CAMK1D: variants seen among roughly 807,000 people sequenced by gnomAD.
CAMK1D encodes the protein calcium/calmodulin dependent protein kinase ID, also known as calcium/calmodulin-dependent protein kinase type 1D.
CAMK1D carries 9 observed loss-of-function variants against 47.7 expected under a neutral mutation model. The observed-to-expected ratio is 0.19, with a 90% CI of 0.11 to 0.33. The LOEUF is 0.33. Among genes scored for constraint, CAMK1D ranks in the 10% least tolerant of loss-of-function variants. CAMK1D has a pLI of 1.00. For missense variants in CAMK1D, 291 were observed against 488.7 expected (o/e 0.60, Z 3.81); for synonymous variants, 184 against 184.9 (o/e 0.99, Z 0.04).
intron 2 of CAMK1D, among the ~76,000 whole-genome samples, chr10:12,622,550 T>C (rs571362177): frequency 6.6e-6 from 1 of 152,120 alleles, no homozygotes; most frequent in African/African-American, 2.4e-5. Flanking sequence ...GTGTGTGTAA[T>C]GTCCAGAGTT....
At chr10:12,726,929 C>T (rs1834667918) in intron 3 of CAMK1D, among the ~76,000 whole-genome samples, 1 of 152,212 alleles carries the variant, frequency 6.6e-6, no homozygotes, top group Non-Finnish European at 1.5e-5. Context: ...CCCCTCAGGC[C>T]CCTGTGCTCC....
At chr10:12,701,443 C>A (rs578205225) in intron 3 of CAMK1D, among the ~76,000 whole-genome samples, 3 of 152,338 alleles carry the variant, frequency 2.0e-5, no homozygotes, top group African/African-American at 7.2e-5. Flanking sequence ...CACCCCTGAA[C>A]AGGCCTCAGG....
At chr10:12,555,451 A>G (rs1836730408) in intron 2 of CAMK1D, among the ~76,000 whole-genome samples, 1 of 152,140 alleles carries the variant, frequency 6.6e-6, no homozygotes. Context: ...GGTTCTCTGG[A>G]TTGTCTATTA....
At chr10:12,744,247 G>T (rs1835561896) in intron 3 of CAMK1D, among the ~76,000 whole-genome samples, 1 of 152,004 alleles carries the variant, frequency 6.6e-6, no homozygotes, top group South Asian at 2.1e-4. Flanking sequence ...TAGACATTTG[G>T]GTTGCTTCCA....
At chr10:12,533,413 C>A (rs1473206714) in intron 1 of CAMK1D, among the ~76,000 whole-genome samples, 1 of 152,324 alleles carries the variant, frequency 6.6e-6, no homozygotes, top group African/African-American at 2.4e-5. Flanking sequence ...TAAAGTGATT[C>A]TGTCCTCCTT....
At chr10:12,622,446 G>T (rs1839027942) in intron 2 of CAMK1D, among the ~76,000 whole-genome samples, 1 of 152,070 alleles carries the variant, frequency 6.6e-6, no homozygotes, top group African/African-American at 2.4e-5. Flanking sequence ...AGGGGTCTCA[G>T]TGCCAGGTTC....
chr10:12,547,011 G>T (rs1001588839), intron 1 of CAMK1D, among the ~76,000 whole-genome samples: 2 of 152,154 alleles, frequency 1.3e-5, no homozygotes, highest in African/African-American at 4.8e-5. Flanking sequence ...AGGACCAGAA[G>T]GGGCTCAGAC....
intron 2 of CAMK1D, among the ~76,000 whole-genome samples, chr10:12,565,679 C>T (rs562997084): frequency 5.9e-5 from 9 of 152,264 alleles, no homozygotes; most frequent in South Asian, 4.1e-4. Flanking sequence ...TTCATTTAAT[C>T]GTCACCATAA....
At chr10:12,481,256 A>G (rs1834056744) in intron 1 of CAMK1D, among the ~76,000 whole-genome samples, 1 of 152,046 alleles carries the variant, frequency 6.6e-6, no homozygotes, top group Non-Finnish European at 1.5e-5. Context: ...CACCTTTTGC[A>G]TTTCTGATGA....
chr10:12,523,551 C>T (rs1424456208), intron 1 of CAMK1D, among the ~76,000 whole-genome samples: 3 of 151,886 alleles, frequency 2.0e-5, no homozygotes, highest in Non-Finnish European at 2.9e-5. Flanking sequence ...GAGACCAGCC[C>T]GGCCAACACA....
intron 1 of CAMK1D, among the ~76,000 whole-genome samples, chr10:12,356,307 A>T (rs1344628702): frequency 1.3e-5 from 2 of 152,130 alleles, no homozygotes; most frequent in Non-Finnish European, 2.9e-5. Flanking sequence ...TTGGACGAAC[A>T]GTTCATTTGG....
intron 1 of CAMK1D, among the ~76,000 whole-genome samples, chr10:12,457,124 C>T (rs1833274198): frequency 1.3e-5 from 2 of 152,146 alleles, no homozygotes; most frequent in Non-Finnish European, 2.9e-5. Context: ...GGCATGGTGG[C>T]TCACGCCTGT....
intron 3 of CAMK1D, among the ~76,000 whole-genome samples, chr10:12,736,420 G>A (rs3814645): frequency 0.97 from 147,046 of 152,312 alleles, 71,134 homozygotes; most frequent in Non-Finnish European, 1. Context: ...AATTCTATTC[G>A]GCGAGTTCTA....
chr10:12,637,752 T>A (rs922739699), intron 2 of CAMK1D, among the ~76,000 whole-genome samples: 7 of 152,228 alleles, frequency 4.6e-5, no homozygotes, highest in African/African-American at 1.7e-4. Flanking sequence ...GTGACTCCTT[T>A]AGCCTTTGTG....
chr10:12,677,318 A>G (rs1475387060), intron 3 of CAMK1D, among the ~76,000 whole-genome samples: 1 of 152,212 alleles, frequency 6.6e-6, no homozygotes, highest in Non-Finnish European at 1.5e-5. Flanking sequence ...GTTTCCGAAT[A>G]TGACACCTTA....
At chr10:12,630,578 T>A (rs1839351410) in intron 2 of CAMK1D, among the ~76,000 whole-genome samples, 3 of 151,942 alleles carry the variant, frequency 2.0e-5, no homozygotes, top group Admixed American at 2.0e-4. Flanking sequence ...CTTTGTTGTT[T>A]TATTTTATTT....
At chr10:12,455,335 C>T (rs916876442) in intron 1 of CAMK1D, among the ~76,000 whole-genome samples, 1 of 152,124 alleles carries the variant, frequency 6.6e-6, no homozygotes, top group African/African-American at 2.4e-5. Flanking sequence ...CCACACCCAG[C>T]TAATTTTCGT....
chr10:12,767,978 T>C (rs879452043), intron 4 of CAMK1D, among the ~76,000 whole-genome samples: 1 of 152,188 alleles, frequency 6.6e-6, no homozygotes, highest in African/African-American at 2.4e-5. Flanking sequence ...GTTCAAGCAA[T>C]TCTCCTGCCT....
At chr10:12,810,757 A>G (rs1324286430) in intron 6 of CAMK1D, among the ~76,000 whole-genome samples, 1 of 152,220 alleles carries the variant, frequency 6.6e-6, no homozygotes, top group Non-Finnish European at 1.5e-5. Flanking sequence ...CCCTCCCTTT[A>G]GTGCATGAGC....
Sources: allele counts gnomAD v4.1 joint callset (sites outside exome capture counted in the v4.1 genomes callset), GRCh38; gene constraint gnomAD v4.1.1; transcripts MANE v1.5; gene names NCBI Gene and HGNC (gene_info 2026-07-23, HGNC 2026-07-21).